The following IL1RAPL2 variants were observed in gnomAD, a reference collection of about 807,000 sequenced individuals.
IL1RAPL2 encodes the protein interleukin 1 receptor accessory protein like 2, also known as X-linked interleukin-1 receptor accessory protein-like 2.
A neutral mutation model predicts 44.1 loss-of-function variants in IL1RAPL2; 3 were observed. That is an observed-to-expected ratio of 0.07 (90% confidence interval 0.03 to 0.18). The LOEUF is 0.18. Among genes scored for constraint, IL1RAPL2 ranks in the 10% least tolerant of loss-of-function variants. The pLI, the probability that IL1RAPL2 is intolerant of heterozygous loss-of-function variation, is 1.00. For synonymous variants in IL1RAPL2, 181 were observed against 178.8 expected (o/e 1.01, Z -0.10); for missense variants, 391 against 496.4 (o/e 0.79, Z 2.02).
At chrX:105,533,545 G>A (rs1056651674) in intron 6 of IL1RAPL2, among the ~76,000 whole-genome samples, 3 of 111,745 alleles carry the variant, frequency 2.7e-5, no homozygotes, top group African/African-American at 6.5e-5. Context: ...CACAATCAAG[G>A]TATTCAACTA....
Position 105,312,788 on chromosome X carries a change from G to A in IL1RAPL2, c.697+45247G>A, listed in dbSNP as rs750554353. Among the ~76,000 whole-genome samples, 5 of 110,546 alleles carry A rather than the reference G, an allele frequency of 4.5e-5. No individual in the cohort carries two copies. In the South Asian group the frequency reaches 1.9e-3, roughly 42 times the overall value. On this transcript the variant is annotated intron_variant, in intron 5 of 10. Coordinates refer to ENST00000372582, the MANE Select transcript of IL1RAPL2 (RefSeq NM_017416.2). The stretch of plus-strand genomic sequence containing the variant: ...GCACATGTTAATTAGCTTGGGTTAG[G>A]AATTCTACTATGTATATACATTTTG...
At chrX:105,529,750 A>G (rs1164302774) in intron 6 of IL1RAPL2, among the ~76,000 whole-genome samples, 1 of 111,675 alleles carries the variant, frequency 9.0e-6, no homozygotes, top group Non-Finnish European at 1.9e-5. Flanking sequence ...TCTCTATTCC[A>G]TGGAAACCAC....
intron 5 of IL1RAPL2, among the ~76,000 whole-genome samples, chrX:105,450,719 GAAT>G (rs776684970): frequency 2.1e-4 from 24 of 111,788 alleles, no homozygotes; most frequent in Non-Finnish European, 4.0e-4. Flanking sequence ...GAGTAATATA[GAAT>G]AATAATCTCT....
At chrX:105,347,254 A>G (rs190926065) in intron 5 of IL1RAPL2, among the ~76,000 whole-genome samples, 5 of 111,703 alleles carry the variant, frequency 4.5e-5, no homozygotes, top group Admixed American at 3.8e-4. Flanking sequence ...CACACATACT[A>G]TAGAGTATAA....
At chrX:105,184,566 G>A (rs2033566576) in intron 2 of IL1RAPL2, among the ~76,000 whole-genome samples, 1 of 109,233 alleles carries the variant, frequency 9.2e-6, no homozygotes, top group Non-Finnish European at 1.9e-5. Context: ...TGTACAATCT[G>A]TAAAATATTG....
intron 6 of IL1RAPL2, among the ~76,000 whole-genome samples, chrX:105,583,320 G>C (rs1245623373): frequency 2.7e-5 from 3 of 110,004 alleles, no homozygotes; most frequent in East Asian, 2.9e-4. Flanking sequence ...ATTTTTAGTA[G>C]AGACGGGGTT....
At chrX:105,579,568 T>TAACA (rs753523496) in intron 6 of IL1RAPL2, among the ~76,000 whole-genome samples, 14 of 111,267 alleles carry the variant, frequency 1.3e-4, no homozygotes, top group Non-Finnish European at 2.6e-4. Flanking sequence ...ACACTACTAC[T>TAACA]AACAACCACT....
intron 5 of IL1RAPL2, among the ~76,000 whole-genome samples, chrX:105,404,071 T>C (rs2035624782): frequency 8.9e-6 from 1 of 112,033 alleles, no homozygotes; most frequent in Non-Finnish European, 1.9e-5. Flanking sequence ...ATGTTCATCA[T>C]TGGCTTATTA....
intron 2 of IL1RAPL2, among the ~76,000 whole-genome samples, chrX:104,933,986 G>T (rs901182902): frequency 1.1e-4 from 12 of 111,703 alleles, no homozygotes; most frequent in Non-Finnish European, 2.3e-4. Flanking sequence ...TTATTTTGGA[G>T]ATTTCAAGAA....
At chrX:105,421,460 T>C (rs773844039) in intron 5 of IL1RAPL2, among the ~76,000 whole-genome samples, 2 of 111,533 alleles carry the variant, frequency 1.8e-5, no homozygotes, top group South Asian at 7.6e-4. Flanking sequence ...TTAAAAATCT[T>C]TTGGAGAAAG....
At chrX:104,999,670 A>G (rs749635099) in intron 2 of IL1RAPL2, among the ~76,000 whole-genome samples, 1 of 111,646 alleles carries the variant, frequency 9.0e-6, no homozygotes, top group Non-Finnish European at 1.9e-5. Flanking sequence ...GGGTGTTACA[A>G]CAGAAACCTT....
chrX:105,032,984 C>T (rs756666215), intron 2 of IL1RAPL2, among the ~76,000 whole-genome samples: 1 of 111,664 alleles, frequency 9.0e-6, no homozygotes, highest in African/African-American at 3.3e-5. Context: ...TATGTAATGG[C>T]CTTCTTTGTC....
chrX:105,667,512 C>G (rs1253370941), intron 6 of IL1RAPL2, among the ~76,000 whole-genome samples: 1 of 111,843 alleles, frequency 8.9e-6, no homozygotes, highest in Non-Finnish European at 1.9e-5. Context: ...ATCTCCCATC[C>G]ATATAACAGT....
chrX:105,187,176 G>A (rs782003846), intron 2 of IL1RAPL2, among the ~76,000 whole-genome samples: 176 of 111,872 alleles, frequency 1.6e-3, no homozygotes, highest in Non-Finnish European at 2.9e-3. Flanking sequence ...AACTTGTAAA[G>A]CACTGATACA....
intron 2 of IL1RAPL2, among the ~76,000 whole-genome samples, chrX:104,888,223 A>G (rs923907045): frequency 1.1e-5 from 1 of 92,994 alleles, no homozygotes; most frequent in African/African-American, 4.0e-5. Flanking sequence ...AAAGAGAGAA[A>G]GAGACAGAAA....
At chrX:104,965,265 A>C (rs746685747) in intron 2 of IL1RAPL2, among the ~76,000 whole-genome samples, 1 of 111,796 alleles carries the variant, frequency 8.9e-6, no homozygotes, top group Non-Finnish European at 1.9e-5. Flanking sequence ...TATATGGCCA[A>C]GAATAAAGAG....
At chrX:105,039,306 C>A (rs1471148799) in intron 2 of IL1RAPL2, among the ~76,000 whole-genome samples, 1 of 111,729 alleles carries the variant, frequency 9.0e-6, no homozygotes, top group Non-Finnish European at 1.9e-5. Flanking sequence ...ATGGAATATT[C>A]TGCAAAGGGA....
intron 2 of IL1RAPL2, among the ~76,000 whole-genome samples, chrX:105,021,226 A>T (rs1303289598): frequency 9.0e-6 from 1 of 111,542 alleles, no homozygotes. Context: ...TCTTTTAGTG[A>T]TTATTCTTTC....
At chrX:105,354,047 C>T (rs2035180385) in intron 5 of IL1RAPL2, among the ~76,000 whole-genome samples, 1 of 110,976 alleles carries the variant, frequency 9.0e-6, no homozygotes, top group Non-Finnish European at 1.9e-5. Flanking sequence ...TTTGCCCATT[C>T]AGTATGATAT....
Sources: gnomAD v4.1 joint callset for allele counts (sites outside exome capture counted in the v4.1 genomes callset) on GRCh38, gnomAD v4.1.1 for gene constraint, MANE v1.5 for transcripts, NCBI Gene and HGNC (gene_info 2026-07-23, HGNC 2026-07-21) for gene names.